The following ANTXRL variants were observed in gnomAD, a reference collection of about 807,000 sequenced individuals.
The protein encoded by ANTXRL is ANTXR like.
ANTXRL carries 63 observed loss-of-function variants against 75.4 expected under a neutral mutation model. The ratio of observed to expected loss-of-function variants is 0.84; its 90% CI spans 0.68 to 1.03. The LOEUF is 1.03. Ranked by LOEUF, ANTXRL falls within the 50% of genes least tolerant of loss-of-function variation. The probability of loss-of-function intolerance (pLI) is 0.00; values close to 1 mark genes in which losing one functional copy is unlikely to be tolerated. For synonymous variants in ANTXRL, 335 were observed against 291.3 expected, an observed-to-expected ratio of 1.15 and a Z score of -1.53; for missense variants, 797 against 789.4, an observed-to-expected ratio of 1.01 and a Z score of -0.12.
chr10:46,298,062 G>C lies in ANTXRL; in HGVS notation c.796G>C (p.Glu266Gln). The C allele has an allele frequency of 6.5e-7, 1 of 1,535,460 alleles. No homozygotes were observed. Among genetic ancestry groups the C allele is most frequent in the East Asian group, 2.4e-5 (1 of 40,898 alleles). The change falls in exon 9 of 17, where the codon GAA becomes CAA. Residue 266 changes from glutamate to glutamine, a missense_variant and splice_region_variant. Around this residue, in one of 3 missense-constraint regions of ANTXRL, gnomAD observed 56 missense variants for 95.5 expected, o/e 0.59. Transcript: ENST00000620264. ...SVEPSSECVG[E>Q]PYHVVIHGNG... Reference sequence around the variant, plus strand: ...GGAGCCTTCCTCTGAGTGTGTAGGAGGTGAGAGCTGCGGAGGCCCTGGGGT... The same window carrying C: ...GGAGCCTTCCTCTGAGTGTGTAGGACGTGAGAGCTGCGGAGGCCCTGGGGT...
chr10:46,295,366 G>A (rs1319411112), intron 3 of ANTXRL, among the ~76,000 whole-genome samples: 2 of 152,146 alleles, frequency 1.3e-5, no homozygotes, highest in African/African-American at 4.8e-5. Context: ...GTTAGAATTT[G>A]GATTAGAGTT....
chr10:46,314,566 A>G (rs782611577), intron 16 of ANTXRL, among the ~76,000 whole-genome samples: 1 of 151,918 alleles, frequency 6.6e-6, no homozygotes, highest in Non-Finnish European at 1.5e-5. Flanking sequence ...CAGTGTGGTG[A>G]GACAGGGGAT....
chr10:46,317,865 A>C (rs1450696083), intron 16 of ANTXRL, among the ~76,000 whole-genome samples: 1 of 152,116 alleles, frequency 6.6e-6, no homozygotes, highest in Non-Finnish European at 1.5e-5. Context: ...AGCTGATGTG[A>C]GAAGTAATTA....
Position 46,330,066 on chromosome 10 carries a change from C to T in ANTXRL, c.1878C>T (p.Pro626=), listed in dbSNP as rs7091749. 3,187 of 1,519,256 alleles carry T rather than the reference C, an allele frequency of 2.1e-3. 60 individuals are homozygous for T. In the African/African-American group the frequency reaches 0.033, roughly 16 times the overall value. The allele number at this position is 1,519,256 out of a possible 1,614,324, so 94.1% of individuals were successfully genotyped here. ...CAGAACCCCCTTTGTCACTCCCCCC[C>T]TCAGAGCCCAACTTCTAAGGCACCA... The part of the protein sequence containing the change: ...HTAEPPLSLP[P]SEPNF Residue 626 remains proline (P), a synonymous_variant, in exon 17 of 17, where the codon CCC becomes CCT. Coordinates refer to ENST00000620264, the MANE Select transcript of ANTXRL (RefSeq NM_001278688.3).
rs1187566402 is a variant in ANTXRL at position 46,309,269 on chromosome 10, AT to A, written c.1134+68del. 2.6e-5 allele frequency: 39 copies of A among 1,474,666 alleles called. 2 individuals are homozygous for A. In the South Asian group the frequency reaches 4.7e-4, roughly 18 times the overall value. 91.3% of individuals were successfully genotyped at this position (1,474,666 alleles called of 1,614,324 possible). On this transcript the variant is annotated intron_variant, in intron 13 of 16. Transcript: ENST00000620264. Reference sequence around the variant, plus strand: ...GGCCCACCCTCTGAGGGACTCTAACATGTGACTGCCCCCCGTGATCCCGCCT... The same window carrying A: ...GGCCCACCCTCTGAGGGACTCTAACAGTGACTGCCCCCCGTGATCCCGCCT...
intron 3 of ANTXRL, 132 bp downstream of exon 3, chr10:46,294,032 C>T (rs1554957770): frequency 1.3e-6 from 1 of 769,912 alleles, no homozygotes; most frequent in African/African-American, 1.8e-5. Flanking sequence ...CAGGGCAACT[C>T]ACAGTACCCA....
chr10:46,312,538 G>A (rs1290965027), intron 15 of ANTXRL, among the ~76,000 whole-genome samples: 3 of 146,706 alleles, frequency 2.0e-5, no homozygotes, highest in African/African-American at 7.5e-5. Flanking sequence ...GCTTCCTCCT[G>A]GGAGGGTCAG....
chr10:46,291,402 T>TG (rs2132642406), intron 1 of ANTXRL, among the ~76,000 whole-genome samples: 1 of 152,046 alleles, frequency 6.6e-6, no homozygotes, highest in Non-Finnish European at 1.5e-5. Context: ...ATTTTTTTTT[T>TG]TGCTGTATGA....
intron 16 of ANTXRL, among the ~76,000 whole-genome samples, chr10:46,328,915 A>G (rs1464714883): frequency 6.6e-6 from 1 of 152,080 alleles, no homozygotes; most frequent in Non-Finnish European, 1.5e-5. Context: ...AGTGACCCTG[A>G]GGGCCTTTTT....
At chr10:46,300,124 G>A (rs1837629378) in intron 9 of ANTXRL, among the ~76,000 whole-genome samples, 1 of 152,208 alleles carries the variant, frequency 6.6e-6, no homozygotes, top group South Asian at 2.1e-4. Flanking sequence ...CAGCTGAGTC[G>A]AGGTGGCAGG....
chr10:46,298,430 G>A (rs1190402574), intron 9 of ANTXRL, among the ~76,000 whole-genome samples: 1 of 151,584 alleles, frequency 6.6e-6, no homozygotes, highest in African/African-American at 2.4e-5. Context: ...ATCTGTGTGT[G>A]TTGTATTGTG....
chr10:46,295,467 A>G (rs113199219), intron 3 of ANTXRL, among the ~76,000 whole-genome samples: 8,772 of 67,328 alleles, frequency 0.13, 1,853 homozygotes, highest in Non-Finnish European at 0.18. Flanking sequence ...GGTTTGGGTT[A>G]GAGTTAGAGT....
intron 13 of ANTXRL, among the ~76,000 whole-genome samples, chr10:46,309,841 G>A (rs1253496721): frequency 3.3e-5 from 5 of 152,188 alleles, no homozygotes; most frequent in African/African-American, 1.2e-4. Flanking sequence ...CACCCCACAG[G>A]AGTGGGAAGG....
At chr10:46,301,902 C>G (rs1235695297) in intron 9 of ANTXRL, among the ~76,000 whole-genome samples, 1 of 152,188 alleles carries the variant, frequency 6.6e-6, no homozygotes, top group African/African-American at 2.4e-5. Flanking sequence ...GGCCAATGCC[C>G]TTGGCAGCTG....
rs1554967434 is a variant in ANTXRL, at chr10:46,330,107, C to T, written c.*23C>T. On this transcript the variant is annotated 3_prime_UTR_variant, in exon 17 of 17. Coordinates refer to ENST00000620264, the MANE Select transcript of ANTXRL (RefSeq NM_001278688.3). Reference sequence around the variant, plus strand: ...TAAGGCACCAAACACCCAAGATTAACAGGCTTTTGTTGCTGAACTGGACAT... The same window carrying T: ...TAAGGCACCAAACACCCAAGATTAATAGGCTTTTGTTGCTGAACTGGACAT... The T allele has an allele frequency of 6.7e-7, 1 of 1,483,390 alleles. No individual in the cohort carries two copies. Among genetic ancestry groups the T allele is most frequent in the East Asian group, 2.5e-5 (1 of 40,372 alleles). The allele number at this position is 1,483,390 out of a possible 1,614,324, so 91.9% of individuals were successfully genotyped here. A position where few individuals can be genotyped will look rare whatever the true frequency, so the allele number is the denominator to read the frequency against.
In ANTXRL at chr10:46,329,847, A is replaced by C. The variant is rs533749314; in HGVS notation, c.1659A>C (p.Pro553=). 113 of 1,534,964 alleles carry C rather than the reference A, an allele frequency of 7.4e-5. No homozygotes were observed. In the African/African-American group the frequency reaches 1.4e-3, roughly 20 times the overall value. Residue 553 remains proline (P), a synonymous_variant, in exon 17 of 17, where the codon CCA becomes CCC. Coordinates refer to ENST00000620264, the MANE Select transcript of ANTXRL (RefSeq NM_001278688.3). ...CLARKQAPCS[P]RICLRHSPEY... is the part of the protein sequence containing the mutation. The stretch of plus-strand genomic sequence containing the variant: ...CCCGCAAACAGGCTCCCTGCAGCCC[A>C]AGGATCTGCCTGAGACACAGCCCGG...
intron 15 of ANTXRL, 116 bp downstream of exon 15, chr10:46,311,781 G>T: frequency 1.7e-6 from 1 of 576,240 alleles, no homozygotes; most frequent in Non-Finnish European, 3.1e-6. Flanking sequence ...CTCTACAGGG[G>T]CTGGACTTTG....
At chr10:46,322,201 A>T (rs1839009823) in intron 16 of ANTXRL, among the ~76,000 whole-genome samples, 1 of 152,140 alleles carries the variant, frequency 6.6e-6, no homozygotes, top group Non-Finnish European at 1.5e-5. Flanking sequence ...TGGCAACTGA[A>T]GGAAGTCCAT....
intron 7 of ANTXRL, 70 bp downstream of exon 7, chr10:46,297,544 C>G: frequency 6.7e-7 from 1 of 1,481,686 alleles, no homozygotes; most frequent in Non-Finnish European, 9.1e-7. Context: ...CCGTCCCGGG[C>G]CACCCCAAGG....
Sources: allele counts gnomAD v4.1 joint callset (sites outside exome capture counted in the v4.1 genomes callset), GRCh38; gene constraint gnomAD v4.1.1; regional missense constraint gnomAD v4.1.1; transcripts MANE v1.5; gene names NCBI Gene and HGNC (gene_info 2026-07-23, HGNC 2026-07-21).